Variants in DMKN observed in about 807,000 individuals in gnomAD.
The protein encoded by DMKN is epidermis-specific secreted protein SK30/SK89.
Under a neutral mutation model 67.6 loss-of-function variants are expected in DMKN, and 58 were observed. The observed-to-expected ratio is 0.86, with a 90% CI of 0.69 to 1.07. DMKN has a LOEUF of 1.07. Among genes scored for constraint, DMKN ranks in the 50% least tolerant of loss-of-function variants. The pLI, the probability that DMKN is intolerant of heterozygous loss-of-function variation, is 0.00. For synonymous variants in DMKN, 240 were observed against 232.3 expected (o/e 1.03, Z -0.30); for missense variants, 596 against 601.5 (o/e 0.99, Z 0.10).
At position 35,511,460 on chromosome 19, in the gene DMKN, C is replaced by T. The variant is rs544198244; in HGVS notation, c.869G>A (p.Ser290Asn). ...GSSGGSSGGSSGNSGGSRGDS... is the reference protein window; with the variant it reads ...GSSGGSSGGSNGNSGGSRGDS... Reference sequence around the variant, plus strand: ...ACCTCTGCTGCCACCACTGTTGCCACTGCTGCCACCACTGCTGCCGCCACT... The same window carrying T: ...ACCTCTGCTGCCACCACTGTTGCCATTGCTGCCACCACTGCTGCCGCCACT... The change falls in exon 5 of 16, where the codon AGT becomes AAT. Residue 290 changes from serine (S) to asparagine (N), a missense_variant. Physicochemically the swap from Ser to Asn is conservative, Grantham distance 46. Coordinates refer to ENST00000339686, the MANE Select transcript of DMKN (RefSeq NM_033317.5). The T allele has an allele frequency of 9.0e-7, 1 of 1,116,998 alleles. No homozygotes were observed. Among genetic ancestry groups the T allele is most frequent in the Non-Finnish European group, 1.2e-6 (1 of 855,166 alleles). The allele number at this position is 1,116,998 out of a possible 1,614,324, so 69.2% of individuals were successfully genotyped here.
intron 5 of DMKN, chr19:35,510,463 T>A (rs2070549519): frequency 6.4e-7 from 1 of 1,551,820 alleles, no homozygotes; most frequent in Admixed American, 2.0e-5. Flanking sequence ...TATTCGGAAC[T>A]ACGCAATGAT....
chr19:35,502,352 G>T (rs1172979336), intron 10 of DMKN, among the ~76,000 whole-genome samples, 169 bp from the exon 11 acceptor site: 1 of 152,030 alleles, frequency 6.6e-6, no homozygotes, highest in Non-Finnish European at 1.5e-5. Context: ...CACTTGAGAT[G>T]GTATTGGTGA....
At position 35,507,903 on chromosome 19, in the gene DMKN, T is replaced by A. The variant is rs1228690045; in HGVS notation, c.1039-1917A>T. ...TAAATTGATTCAAACTGAAGGACCC[T>A]GTCTGGGCTGATTGGCATTAGTAAA... On this transcript the variant is annotated intron_variant, in intron 7 of 15. Transcript: ENST00000339686. The A allele has an allele frequency of 1.3e-5, 6 of 458,332 alleles. No individual in the cohort carries two copies. The East Asian group carries it at 2.3e-4, about 18-fold the overall frequency. 28.4% of individuals were successfully genotyped at this position (458,332 alleles called of 1,614,324 possible). A position where few individuals can be genotyped will look rare whatever the true frequency, so the allele number is the denominator to read the frequency against.
At chr19:35,511,992 C>CT (rs767298346) in intron 3 of DMKN, among the ~76,000 whole-genome samples, 179 bp from the exon 4 acceptor site, 214 of 140,162 alleles carry the variant, frequency 1.5e-3, no homozygotes, top group Non-Finnish European at 2.6e-3. Flanking sequence ...GTCTCTTCCT[C>CT]CTTTTTTTTT....
intron 5 of DMKN, among the ~76,000 whole-genome samples, chr19:35,511,161 A>G (rs367903709): frequency 6.6e-6 from 1 of 152,154 alleles, no homozygotes; most frequent in East Asian, 1.9e-4. Flanking sequence ...CGTCCCCACC[A>G]TCACAGAGTG....
chr19:35,507,662 G>A, intron 7 of DMKN: 1 of 646,602 alleles, frequency 1.5e-6, no homozygotes, highest in East Asian at 2.8e-5. Context: ...CTGAGAAAGA[G>A]GTCCTTCTCT....
chr19:35,506,266 C>A (rs2069497184), intron 7 of DMKN: 4 of 1,385,168 alleles, frequency 2.9e-6, no homozygotes, highest in Non-Finnish European at 3.8e-6. Context: ...CCCCGGATTG[C>A]TTCATCCCCA....
chr19:35,511,492 G>GCCA lies in DMKN; in HGVS notation c.834_836dup (p.Gly280dup). ...CACCACTGCTGCCGCCACTGCTGCC[G>GCCA]CCACTGCTGCTGCCACTGCTGCTGC... On this transcript the variant is annotated inframe_insertion, in exon 5 of 16. Transcript: ENST00000339686. The GCCA allele has an allele frequency of 9.4e-7, 1 of 1,066,228 alleles. No homozygotes were observed. The highest frequency in any genetic ancestry group is 2.0e-5 in the South Asian group (1 of 51,144). 66.0% of individuals were successfully genotyped at this position (1,066,228 alleles called of 1,614,324 possible).
intron 4 of DMKN, 67 bp downstream of exon 4, chr19:35,511,696 C>T: frequency 6.3e-7 from 1 of 1,595,078 alleles, no homozygotes; most frequent in East Asian, 2.2e-5. Context: ...GATGCCCAGT[C>T]TAAGGGGAGC....
At chr19:35,502,215 G>A in intron 10 of DMKN, 32 bp from the exon 11 acceptor site, 1 of 1,613,850 alleles carries the variant, frequency 6.2e-7, no homozygotes. Context: ...AGTGGGCCGG[G>A]GAGGCAGAAC....
At chr19:35,502,711 A>G (rs1248002824) in intron 10 of DMKN, 119 bp downstream of exon 10, 4 of 1,041,800 alleles carry the variant, frequency 3.8e-6, no homozygotes, top group Non-Finnish European at 4.4e-6. Context: ...TCTCAAAAAA[A>G]AAAAGGGGGG....
intron 11 of DMKN, 67 bp downstream of exon 11, chr19:35,502,069 T>TG (rs1436629453): frequency 6.2e-7 from 1 of 1,609,942 alleles, no homozygotes; most frequent in East Asian, 2.2e-5. Flanking sequence ...GACAGACACC[T>TG]GGGTCAGCGG....
intron 7 of DMKN, among the ~76,000 whole-genome samples, chr19:35,509,350 A>C (rs1214174135): frequency 6.6e-6 from 1 of 152,174 alleles, no homozygotes; most frequent in Non-Finnish European, 1.5e-5. Context: ...GTCTCTACTC[A>C]GCCCCAGCAC....
chr19:35,501,510 T>C (rs569608022), intron 11 of DMKN, among the ~76,000 whole-genome samples: 124 of 152,344 alleles, frequency 8.1e-4, no homozygotes, highest in Admixed American at 4.4e-3. Context: ...GGGCCCCACC[T>C]GTCCAGCCTC....
rs752352486 is a variant in DMKN at position 35,511,574 on chromosome 19, GAC to G, written c.753_754del (p.Gln251HisfsTer11). 6.2e-7 allele frequency: 1 copy of G among 1,602,638 alleles called. No homozygotes were observed. The highest frequency in any genetic ancestry group is 1.1e-5 in the South Asian group (1 of 89,466). ...ATTGCTGCCACTGCCACTGCTGCCC[GAC>G]TGTGAGCCGCTGCCTCCCTGAGGGG... On this transcript the variant is annotated frameshift_variant, in exon 5 of 16. Coordinates refer to ENST00000339686, the MANE Select transcript of DMKN (RefSeq NM_033317.5). LOFTEE classifies it high-confidence loss of function.
rs752315781 is a variant in DMKN at position 35,511,757 on chromosome 19, A to T, written c.735+6T>A. On this transcript the variant is annotated splice_donor_region_variant and intron_variant, in intron 4 of 15. Transcript: ENST00000339686. ...CACAACTCCTGGGTTGCCCCTCTCCACTCACCCCAGAGTTGCTGGAGCCTC... is the reference window on the plus strand; with the variant it reads ...CACAACTCCTGGGTTGCCCCTCTCCTCTCACCCCAGAGTTGCTGGAGCCTC... The T allele has an allele frequency of 6.2e-6, 10 of 1,611,524 alleles. No individual in the cohort carries two copies. Among genetic ancestry groups the T allele is most frequent in the Non-Finnish European group, 8.5e-6 (10 of 1,178,620 alleles).
Position 35,498,861 on chromosome 19 carries a change from C to T in DMKN, c.1383+13G>A. 4.3e-6 allele frequency: 7 copies of T among 1,614,084 alleles called. No homozygotes were observed. Among genetic ancestry groups the T allele is most frequent in the Non-Finnish European group, 5.9e-6 (7 of 1,180,024 alleles). On this transcript the variant is annotated intron_variant, in intron 14 of 15. Transcript: ENST00000339686. The stretch of plus-strand genomic sequence containing the variant: ...TCTCTCCAGCCAGATGAAGATCAGG[C>T]CCCCATACTCACCGAGGAAGAAGGT...
At chr19:35,504,533 G>A (rs1176813115) in intron 9 of DMKN, among the ~76,000 whole-genome samples, 41 of 136,866 alleles carry the variant, frequency 3.0e-4, no homozygotes, top group African/African-American at 1.2e-3. Flanking sequence ...AGCTGAGATC[G>A]AACCACTACA....
intron 5 of DMKN, among the ~76,000 whole-genome samples, chr19:35,510,943 G>A (rs914707098): frequency 6.6e-6 from 1 of 152,146 alleles, no homozygotes; most frequent in Non-Finnish European, 1.5e-5. Context: ...CACACCCATC[G>A]TGCAGGGGCC....
Sources: allele counts gnomAD v4.1 joint callset (sites outside exome capture counted in the v4.1 genomes callset), GRCh38; gene constraint gnomAD v4.1.1; transcripts MANE v1.5; gene names NCBI Gene and HGNC (gene_info 2026-07-23, HGNC 2026-07-21).